NRCAM: variants seen among roughly 807,000 people sequenced by gnomAD.
NRCAM encodes NgCAM-related cell adhesion molecule.
A neutral mutation model predicts 156.5 loss-of-function variants in NRCAM; 83 were observed. The observed-to-expected ratio is 0.53, with a 90% CI of 0.44 to 0.64. NRCAM has a LOEUF of 0.64. Among genes scored for constraint, NRCAM ranks in the 30% least tolerant of loss-of-function variants. NRCAM has a pLI of 0.00. For synonymous variants in NRCAM, 538 were observed against 563.9 expected, an observed-to-expected ratio of 0.95 and a Z score of 0.65; for missense variants, 1,417 against 1,597.3, an observed-to-expected ratio of 0.89 and a Z score of 1.92.
chr7:108,228,350 T>G (rs2093807263), intron 8 of NRCAM, among the ~76,000 whole-genome samples: 1 of 151,728 alleles, frequency 6.6e-6, no homozygotes, highest in African/African-American at 2.4e-5. Flanking sequence ...TCAGAAGAAT[T>G]AGGTACATTT....
intron 3 of NRCAM, among the ~76,000 whole-genome samples, chr7:108,293,967 A>G (rs2098393523): frequency 6.6e-6 from 1 of 152,192 alleles, no homozygotes; most frequent in Non-Finnish European, 1.5e-5. Context: ...ATACTACTGG[A>G]GCCAGGAGTT....
At chr7:108,249,160 A>T (rs914612731) in intron 3 of NRCAM, among the ~76,000 whole-genome samples, 1 of 152,334 alleles carries the variant, frequency 6.6e-6, no homozygotes, top group South Asian at 2.1e-4. Context: ...CATGTCACAG[A>T]TTACTACAAT....
chr7:108,385,784 T>A (rs1007464705), intron 2 of NRCAM, among the ~76,000 whole-genome samples: 1 of 152,120 alleles, frequency 6.6e-6, no homozygotes, highest in African/African-American at 2.4e-5. Context: ...GAATGGAATG[T>A]ATTGGAGAGA....
intron 2 of NRCAM, among the ~76,000 whole-genome samples, chr7:108,386,831 G>A (rs1037323900): frequency 1.3e-5 from 2 of 152,072 alleles, no homozygotes; most frequent in African/African-American, 4.8e-5. Flanking sequence ...TGAATTTCTA[G>A]GAGGTATCAT....
chr7:108,391,406 T>G (rs1326552446), intron 2 of NRCAM, among the ~76,000 whole-genome samples: 1 of 152,208 alleles, frequency 6.6e-6, no homozygotes, highest in Non-Finnish European at 1.5e-5. Flanking sequence ...CCCTGCTTTT[T>G]TTTTGTTTTC....
At chr7:108,416,583 A>G (rs1801837051) in intron 1 of NRCAM, among the ~76,000 whole-genome samples, 1 of 15,530 alleles carries the variant, frequency 6.4e-5, no homozygotes, top group Admixed American at 8.2e-4. Context: ...AGAGACAAAT[A>G]ATTAAAAAAA....
chr7:108,155,966 T>C (rs1349491593), intron 32 of NRCAM, among the ~76,000 whole-genome samples: 2 of 152,204 alleles, frequency 1.3e-5, no homozygotes, highest in Middle Eastern at 3.4e-3. Context: ...TAAATCCTAC[T>C]GAGTAAAATT....
chr7:108,212,982 G>C (rs553285419), intron 11 of NRCAM, among the ~76,000 whole-genome samples: 2 of 152,240 alleles, frequency 1.3e-5, no homozygotes, highest in East Asian at 3.9e-4. Context: ...ATAATCTAAA[G>C]AGCTGTGAGA....
chr7:108,206,473 G>A (rs1488444760), intron 13 of NRCAM, among the ~76,000 whole-genome samples: 2 of 152,126 alleles, frequency 1.3e-5, no homozygotes, highest in African/African-American at 2.4e-5. Context: ...TTATTGACTG[G>A]GAGAGTGAAC....
chr7:108,420,713 T>TTTC (rs1808428031), intron 1 of NRCAM, among the ~76,000 whole-genome samples: 1 of 152,352 alleles, frequency 6.6e-6, no homozygotes, highest in Admixed American at 6.5e-5. Flanking sequence ...ATTGGTTTCC[T>TTTC]TTCTTAGGCT....
intron 2 of NRCAM, among the ~76,000 whole-genome samples, chr7:108,333,874 T>C (rs1243360343): frequency 6.6e-6 from 1 of 152,194 alleles, no homozygotes; most frequent in Non-Finnish European, 1.5e-5. Flanking sequence ...TGGGAAATAA[T>C]AACATTCTTC....
intron 3 of NRCAM, among the ~76,000 whole-genome samples, chr7:108,299,118 G>GAAAGAAAGAAAA (rs2098528439): frequency 3.9e-5 from 1 of 25,678 alleles, no homozygotes; most frequent in Non-Finnish European, 8.1e-5. Flanking sequence ...AAAAAAAAAA[G>GAAAGAAAGAAAA]AAAGAAAGAA....
At chr7:108,157,646 G>A (rs999028549) in intron 32 of NRCAM, among the ~76,000 whole-genome samples, 1 of 152,088 alleles carries the variant, frequency 6.6e-6, no homozygotes, top group Non-Finnish European at 1.5e-5. Flanking sequence ...TGGGCTTCCA[G>A]TATACCATCA....
chr7:108,277,127 T>C (rs968506969), intron 3 of NRCAM, among the ~76,000 whole-genome samples: 5 of 152,216 alleles, frequency 3.3e-5, no homozygotes, highest in African/African-American at 1.2e-4. Flanking sequence ...TGGACTTCCC[T>C]TCGTGGGTAA....
At chr7:108,429,470 G>A (rs1822017358) in intron 1 of NRCAM, among the ~76,000 whole-genome samples, 1 of 152,110 alleles carries the variant, frequency 6.6e-6, no homozygotes, top group Admixed American at 6.5e-5. Context: ...GGGATTACAG[G>A]CATGAGCCAT....
chr7:108,219,957 G>T (rs2091546845), intron 11 of NRCAM, among the ~76,000 whole-genome samples: 1 of 152,030 alleles, frequency 6.6e-6, no homozygotes, highest in Admixed American at 6.6e-5. Context: ...AAACCTTAAA[G>T]ACTTCTCCAG....
intron 2 of NRCAM, among the ~76,000 whole-genome samples, chr7:108,316,875 A>AAGAC (rs1190986184): frequency 6.6e-6 from 1 of 152,046 alleles, no homozygotes; most frequent in Non-Finnish European, 1.5e-5. Flanking sequence ...TCTGTCATGT[A>AAGAC]AGACAGACAT....
intron 3 of NRCAM, among the ~76,000 whole-genome samples, chr7:108,264,251 T>C (rs1232023664): frequency 2.0e-5 from 3 of 152,254 alleles, no homozygotes; most frequent in South Asian, 4.1e-4. Flanking sequence ...ACTGGGACTA[T>C]AGGCATTAGC....
At chr7:108,366,236 G>GC (rs2099591079) in intron 2 of NRCAM, among the ~76,000 whole-genome samples, 1 of 152,110 alleles carries the variant, frequency 6.6e-6, no homozygotes, top group Non-Finnish European at 1.5e-5. Context: ...TTTTGTTACA[G>GC]CAGCACAAAA....
Sources: allele counts gnomAD v4.1 joint callset (sites outside exome capture counted in the v4.1 genomes callset), GRCh38; gene constraint gnomAD v4.1.1; transcripts MANE v1.5; gene names NCBI Gene and HGNC (gene_info 2026-07-23, HGNC 2026-07-21).